FAM168B: variants seen among roughly 807,000 people sequenced by gnomAD.
FAM168B encodes the protein family with sequence similarity 168 member B.
A neutral mutation model predicts 21.8 loss-of-function variants in FAM168B; 19 were observed. The ratio of observed to expected loss-of-function variants is 0.87; its 90% confidence interval spans 0.61 to 1.28. FAM168B has a LOEUF of 1.28. Ranked by LOEUF, FAM168B falls within the 50% of genes most tolerant of loss-of-function variation. FAM168B has a pLI of 0.00. For missense variants in FAM168B, 233 were observed against 263.1 expected, an observed-to-expected ratio of 0.89 and a Z score of 0.79; for synonymous variants, 126 against 104.8, an observed-to-expected ratio of 1.20 and a Z score of -1.24.
intron 3 of FAM168B, among the ~76,000 whole-genome samples, chr2:131,061,484 T>C (rs1427365124): frequency 6.6e-6 from 1 of 151,292 alleles, no homozygotes; most frequent in Non-Finnish European, 1.5e-5. Flanking sequence ...AACGCACCCC[T>C]AGAAGATGAA....
chr2:131,079,532 G>C (rs1221220556), intron 2 of FAM168B, among the ~76,000 whole-genome samples: 3 of 152,182 alleles, frequency 2.0e-5, no homozygotes, highest in Non-Finnish European at 4.4e-5. Flanking sequence ...GCAGAAATGG[G>C]AGTGATGCAG....
At chr2:131,090,728 A>G (rs1693974972) in intron 1 of FAM168B, among the ~76,000 whole-genome samples, 1 of 152,018 alleles carries the variant, frequency 6.6e-6, no homozygotes. Context: ...TATGTATAAT[A>G]TATACAAATT....
intron 3 of FAM168B, among the ~76,000 whole-genome samples, chr2:131,065,570 G>A (rs978143863): frequency 1.3e-5 from 2 of 151,986 alleles, no homozygotes; most frequent in African/African-American, 2.4e-5. Context: ...GGGCGGGATC[G>A]CCTGAGGTCA....
chr2:131,083,799 AAAG>A (rs1475971899), intron 1 of FAM168B, among the ~76,000 whole-genome samples: 2 of 152,208 alleles, frequency 1.3e-5, no homozygotes, highest in Non-Finnish European at 2.9e-5. Flanking sequence ...AAAAGTCTGA[AAAG>A]AAATATATAA....
At chr2:131,080,838 T>C (rs1693396381) in intron 2 of FAM168B, among the ~76,000 whole-genome samples, 1 of 150,852 alleles carries the variant, frequency 6.6e-6, no homozygotes, top group African/African-American at 2.4e-5. Flanking sequence ...CCTGGCTAAT[T>C]TTTTTTTGTA....
At chr2:131,052,663 A>AG (rs1183040802) in intron 6 of FAM168B, among the ~76,000 whole-genome samples, 1 of 152,186 alleles carries the variant, frequency 6.6e-6, no homozygotes, top group Non-Finnish European at 1.5e-5. Flanking sequence ...AGCACATTCC[A>AG]GGCAAGGCTC....
At chr2:131,067,633 C>A (rs147332933) in intron 3 of FAM168B, among the ~76,000 whole-genome samples, 1 of 152,154 alleles carries the variant, frequency 6.6e-6, no homozygotes, top group East Asian at 1.9e-4. Context: ...GTTCCAGGTA[C>A]TTGGGAAGCT....
chr2:131,058,449 G>A (rs1366039609), intron 3 of FAM168B, among the ~76,000 whole-genome samples: 1 of 152,130 alleles, frequency 6.6e-6, no homozygotes, highest in Non-Finnish European at 1.5e-5. Flanking sequence ...CAAAGCGGGT[G>A]CTCACACCCA....
intron 1 of FAM168B, among the ~76,000 whole-genome samples, chr2:131,088,380 A>G (rs1419354654): frequency 6.6e-6 from 1 of 152,092 alleles, no homozygotes; most frequent in Non-Finnish European, 1.5e-5. Context: ...TCCAGAGGAC[A>G]AATGACCCAG....
chr2:131,066,241 G>A (rs543981191), intron 3 of FAM168B, among the ~76,000 whole-genome samples: 2 of 148,312 alleles, frequency 1.3e-5, no homozygotes, highest in South Asian at 2.1e-4. Flanking sequence ...TCTCGATCTC[G>A]ACTCACTCAC....
At chr2:131,080,726 G>C (rs1693390428) in intron 2 of FAM168B, among the ~76,000 whole-genome samples, 1 of 150,850 alleles carries the variant, frequency 6.6e-6, no homozygotes, top group Non-Finnish European at 1.5e-5. Flanking sequence ...CTGGAGTGCA[G>C]TGGCACGATC....
At chr2:131,090,613 A>G (rs1177258700) in intron 1 of FAM168B, among the ~76,000 whole-genome samples, 1 of 151,962 alleles carries the variant, frequency 6.6e-6, no homozygotes, top group Non-Finnish European at 1.5e-5. Context: ...TGCCTGTAAC[A>G]CCAGTGCTTT....
chr2:131,053,877 CAAA>C (rs987969549), intron 5 of FAM168B, among the ~76,000 whole-genome samples: 2 of 149,856 alleles, frequency 1.3e-5, no homozygotes, highest in Non-Finnish European at 3.0e-5. Flanking sequence ...CCTGTCTCAA[CAAA>C]AAAAAGTTAA....
intron 5 of FAM168B, among the ~76,000 whole-genome samples, chr2:131,054,048 T>C (rs1691860000): frequency 6.6e-6 from 1 of 151,084 alleles, no homozygotes; most frequent in Non-Finnish European, 1.5e-5. Context: ...TACCAAAAGG[T>C]ACAAAAAAAT....
At chr2:131,075,316 A>T (rs1195838352) in intron 2 of FAM168B, among the ~76,000 whole-genome samples, 1 of 151,616 alleles carries the variant, frequency 6.6e-6, no homozygotes, top group Non-Finnish European at 1.5e-5. Context: ...GACCTAGATC[A>T]TATCCTGTAG....
chr2:131,056,149 A>G (rs1692010224), intron 3 of FAM168B, among the ~76,000 whole-genome samples: 1 of 152,152 alleles, frequency 6.6e-6, no homozygotes, highest in African/African-American at 2.4e-5. Flanking sequence ...TGCTCATCAT[A>G]GTGTTGTTTG....
Position 131,049,600 on chromosome 2 carries a change from G to T in FAM168B, c.*2865C>A. ...CTCCATGAGCAGAGAAACTGCAGCGGCTGAACACACTCCCCAAGCCTCAGG... is the reference window on the plus strand; with the variant it reads ...CTCCATGAGCAGAGAAACTGCAGCGTCTGAACACACTCCCCAAGCCTCAGG... On this transcript the variant is annotated 3_prime_UTR_variant, in exon 7 of 7. Coordinates refer to ENST00000389915, the MANE Select transcript of FAM168B (RefSeq NM_001009993.4). 1 of 985,438 alleles carries T rather than the reference G, an allele frequency of 1.0e-6. No homozygotes were observed. The highest frequency in any genetic ancestry group is 1.2e-6 in the Non-Finnish European group (1 of 829,942). 61.0% of individuals were successfully genotyped at this position (985,438 alleles called of 1,614,324 possible).
chr2:131,088,762 A>G (rs546203301), intron 1 of FAM168B, among the ~76,000 whole-genome samples: 3 of 152,344 alleles, frequency 2.0e-5, no homozygotes, highest in Admixed American at 2.0e-4. Context: ...AATAATCTTT[A>G]CATCAAGATG....
chr2:131,090,136 TC>T (rs1693931884), intron 1 of FAM168B, among the ~76,000 whole-genome samples: 1 of 128,472 alleles, frequency 7.8e-6, no homozygotes, highest in South Asian at 2.5e-4. Context: ...TGAAACCCCG[TC>T]TCTACCAAAA....
Sources: gnomAD v4.1 joint callset for allele counts (sites outside exome capture counted in the v4.1 genomes callset) on GRCh38, gnomAD v4.1.1 for gene constraint, MANE v1.5 for transcripts, NCBI Gene and HGNC (gene_info 2026-07-23, HGNC 2026-07-21) for gene names.